The following TNFAIP8L1 variants were observed in gnomAD, a reference collection of about 807,000 sequenced individuals.
The protein encoded by TNFAIP8L1 is TNF alpha induced protein 8 like 1.
For missense variants in TNFAIP8L1, 225 were observed against 266.1 expected (o/e 0.85, Z 1.08); for synonymous variants, 127 against 125.6 (o/e 1.01, Z -0.08).
rs140614047 is a variant in TNFAIP8L1, at chr19:4,647,769, C to T, written c.-3-4098C>T. Among the ~76,000 whole-genome samples, 686 of 151,886 alleles carry T rather than the reference C, an allele frequency of 4.5e-3. 8 individuals carry two copies. Among genetic ancestry groups the T allele is most frequent in the African/African-American group, 0.016 (644 of 41,404 alleles). On this transcript the variant is annotated intron_variant, in intron 1 of 1. Coordinates refer to ENST00000327473, the MANE Select transcript of TNFAIP8L1 (RefSeq NM_152362.3). ...TCCCGAGTACCTGGGACCACAGACC[C>T]GTGCCACCATGCCTGGCTAATTAAA...
intron 1 of TNFAIP8L1, among the ~76,000 whole-genome samples, chr19:4,648,265 C>T (rs776741295): frequency 3.3e-5 from 5 of 152,298 alleles, no homozygotes; most frequent in East Asian, 1.9e-4. Context: ...ATTTGGAGGG[C>T]GATGCCCCTA....
chr19:4,649,529 C>T (rs977708469), intron 1 of TNFAIP8L1, among the ~76,000 whole-genome samples: 8 of 152,174 alleles, frequency 5.3e-5, no homozygotes, highest in Admixed American at 1.3e-4. Flanking sequence ...CTAAGACTCA[C>T]GGCCAGTTGA....
Position 4,652,105 on chromosome 19 carries a change from TG to T in TNFAIP8L1, c.239del (p.Gly80AlafsTer20). 1 of 1,594,394 alleles carries T rather than the reference TG, an allele frequency of 6.3e-7. No homozygotes were observed. Among genetic ancestry groups the T allele is most frequent in the Admixed American group, 1.8e-5 (1 of 56,796 alleles). On this transcript the variant is annotated frameshift_variant, in exon 2 of 2. Coordinates refer to ENST00000327473, the MANE Select transcript of TNFAIP8L1 (RefSeq NM_152362.3). LOFTEE classifies it low-confidence loss of function (END_TRUNC). Reference protein sequence around the residue: ...KLGLLLRGDQLGGEELALLRR... With the variant: ...KLGLLLRGDQXGGEELALLRR... ...GGACTGCTGCTGCGTGGGGACCAGC[TG>T]GGCGGTGAGGAGCTGGCGCTGCTGC...
Position 4,652,305 on chromosome 19 carries a change from G to A in TNFAIP8L1, c.436G>A (p.Val146Met), listed in dbSNP as rs745903633. 3 of 1,563,490 alleles carry A rather than the reference G, an allele frequency of 1.9e-6. No individual in the cohort carries two copies. Among genetic ancestry groups the A allele is most frequent in the Non-Finnish European group, 2.6e-6 (3 of 1,156,796 alleles). Residue 146 changes from valine (V) to methionine (M), a missense_variant, in exon 2 of 2, where the codon GTG (valine) becomes ATG (methionine). Transcript: ENST00000327473. ...TAKSHGRINH[V>M]FGHLADCDFL... Reference sequence around the variant, plus strand: ...CAAGTCCCACGGCCGCATCAACCACGTGTTCGGCCACCTAGCCGACTGCGA... The same window carrying A: ...CAAGTCCCACGGCCGCATCAACCACATGTTCGGCCACCTAGCCGACTGCGA...
At position 4,654,682 on chromosome 19, in the gene TNFAIP8L1, CAG is replaced by C. The variant is rs2088406638; in HGVS notation, c.*2255_*2256del. 2 of 152,232 alleles carry C rather than the reference CAG, an allele frequency of 1.3e-5. No individual in the cohort carries two copies. The highest frequency in any genetic ancestry group is 2.9e-5 in the Non-Finnish European group (2 of 68,060). The allele number at this position is 152,232 out of a possible 1,614,324, so 9.4% of individuals were successfully genotyped here. On this transcript the variant is annotated 3_prime_UTR_variant, in exon 2 of 2. Coordinates refer to ENST00000327473, the MANE Select transcript of TNFAIP8L1 (RefSeq NM_152362.3). ...AGCCAACCATGTTGCTTTTATAAGACAGAGCTGAGAAAGCAAAGCTTGGCTGT... is the reference window on the plus strand; with the variant it reads ...AGCCAACCATGTTGCTTTTATAAGACAGCTGAGAAAGCAAAGCTTGGCTGT...
chr19:4,650,317 G>C (rs2088350065), intron 1 of TNFAIP8L1, among the ~76,000 whole-genome samples: 1 of 151,978 alleles, frequency 6.6e-6, no homozygotes, highest in South Asian at 2.1e-4. Flanking sequence ...CAGGCTTTGG[G>C]GGGTGTATAG....
chr19:4,640,227 C>T (rs2088246966), intron 1 of TNFAIP8L1: 1 of 152,304 alleles, frequency 6.6e-6, no homozygotes, highest in Non-Finnish European at 1.5e-5. Context: ...GAACTAGGCC[C>T]ATTTCCTGGG....
At chr19:4,648,678 C>A (rs1341517935) in intron 1 of TNFAIP8L1, among the ~76,000 whole-genome samples, 4 of 152,236 alleles carry the variant, frequency 2.6e-5, no homozygotes, top group African/African-American at 9.6e-5. Flanking sequence ...GAATCAACTT[C>A]TTCAGCCTCA....
rs2088414130 is a variant in TNFAIP8L1, at chr19:4,655,374, A to G, written c.*2944A>G. The G allele has an allele frequency of 6.6e-6, 1 of 152,246 alleles. No homozygotes were observed. Among genetic ancestry groups the G allele is most frequent in the Non-Finnish European group, 1.5e-5 (1 of 68,052 alleles). 9.4% of individuals were successfully genotyped at this position (152,246 alleles called of 1,614,324 possible). On this transcript the variant is annotated 3_prime_UTR_variant, in exon 2 of 2. Coordinates refer to ENST00000327473, the MANE Select transcript of TNFAIP8L1 (RefSeq NM_152362.3). Reference sequence around the variant, plus strand: ...TAGGCCGAGAGACAGCTCTTCAAGAACGTACATGGATCCTGATTTTCTCAC... The same window carrying G: ...TAGGCCGAGAGACAGCTCTTCAAGAGCGTACATGGATCCTGATTTTCTCAC...
intron 1 of TNFAIP8L1, among the ~76,000 whole-genome samples, chr19:4,643,459 C>T (rs933756697): frequency 1.1e-4 from 16 of 152,138 alleles, no homozygotes; most frequent in Non-Finnish European, 2.2e-4. Context: ...GGCCCTCGAA[C>T]CCTTTCTCCA....
At chr19:4,651,578 G>A (rs1049157039) in intron 1 of TNFAIP8L1, among the ~76,000 whole-genome samples, 12 of 151,546 alleles carry the variant, frequency 7.9e-5, no homozygotes, top group Non-Finnish European at 1.5e-4. Flanking sequence ...CGGGGATTGC[G>A]GGCACCCATC....
chr19:4,645,393 C>T lies in TNFAIP8L1; in HGVS notation c.-4+5764C>T, dbSNP rs1009944996. On this transcript the variant is annotated intron_variant, in intron 1 of 1. Coordinates refer to ENST00000327473, the MANE Select transcript of TNFAIP8L1 (RefSeq NM_152362.3). This position sits in a 1 kb window ranked among gnomAD's most constrained non-coding sequence, Gnocchi z 4.1. ...CCAAACCCCGTCTCTACTAAAAATA[C>T]ACAAATTTGTATTTTTGTACAAATA... is the stretch of plus-strand genomic sequence containing the variant. Among the ~76,000 whole-genome samples, 2 of 151,982 alleles carry T rather than the reference C, an allele frequency of 1.3e-5. No homozygotes were observed. Among genetic ancestry groups the T allele is most frequent in the South Asian group, 2.1e-4 (1 of 4,826 alleles).
rs2088264244 is a variant in TNFAIP8L1 at position 4,641,855 on chromosome 19, A to G, written c.-4+2226A>G. 1 of 152,194 alleles carries G rather than the reference A, an allele frequency of 6.6e-6. No homozygotes were observed. Among genetic ancestry groups the G allele is most frequent in the South Asian group, 2.1e-4 (1 of 4,828 alleles). The allele number at this position is 152,194 out of a possible 1,614,324, so 9.4% of individuals were successfully genotyped here. On this transcript the variant is annotated intron_variant, in intron 1 of 1. Transcript: ENST00000327473. This position sits in a 1 kb window ranked among gnomAD's most constrained non-coding sequence, Gnocchi z 4.6. ...ATGAGGAAAGGATTGCACTAGGTTA[A>G]AGGCTGGGTTCAAATTCTGATTCTG...
At chr19:4,649,869 G>A (rs1013560527) in intron 1 of TNFAIP8L1, among the ~76,000 whole-genome samples, 1 of 152,224 alleles carries the variant, frequency 6.6e-6, no homozygotes, top group Non-Finnish European at 1.5e-5. Context: ...GAGGGCGGCC[G>A]AGGGTTTGGA....
chr19:4,652,044 A>G lies in TNFAIP8L1; in HGVS notation c.175A>G (p.Met59Val). 1 of 1,613,516 alleles carries G rather than the reference A, an allele frequency of 6.2e-7. No individual in the cohort carries two copies. The highest frequency in any genetic ancestry group is 1.1e-5 in the South Asian group (1 of 90,988). The change falls in exon 2 of 2, where the codon ATG becomes GTG. Residue 59 changes from methionine (M) to valine (V), a missense_variant. By Grantham distance (21) the Met-to-Val change is conservative. Coordinates refer to ENST00000327473, the MANE Select transcript of TNFAIP8L1 (RefSeq NM_152362.3). ...FTRSRKEAQK[M>V]LKNLVKVALK... ...GCGCAGCCGCAAGGAGGCCCAGAAG[A>G]TGCTCAAGAACCTGGTCAAGGTGGC...
chr19:4,652,476 CCTG>C lies in TNFAIP8L1; in HGVS notation c.*50_*52del. The C allele has an allele frequency of 6.9e-7, 1 of 1,455,648 alleles. No homozygotes were observed. Among genetic ancestry groups the C allele is most frequent in the Non-Finnish European group, 9.1e-7 (1 of 1,100,158 alleles). 90.2% of individuals were successfully genotyped at this position (1,455,648 alleles called of 1,614,324 possible). ...CGCCCCTCGCGCCTTTTGGGGCTCT[CCTG>C]CTGGGCGCGGGTGGGGTTTGTGGGT... On this transcript the variant is annotated 3_prime_UTR_variant, in exon 2 of 2. Transcript: ENST00000327473.
intron 1 of TNFAIP8L1, among the ~76,000 whole-genome samples, chr19:4,644,718 C>T (rs1049729170): frequency 6.7e-6 from 1 of 148,660 alleles, no homozygotes; most frequent in Non-Finnish European, 1.5e-5. Flanking sequence ...AGTCTCGTGA[C>T]GCAGCCTCCC....
In TNFAIP8L1 at chr19:4,652,341, G is replaced by A; in HGVS notation, c.472G>A (p.Ala158Thr). Reference protein sequence around the residue: ...GHLADCDFLAALYGPAEPYRS... With the variant: ...GHLADCDFLATLYGPAEPYRS... ...CCTAGCCGACTGCGACTTCCTGGCT[G>A]CGCTCTACGGCCCCGCCGAGCCCTA... Residue 158 changes from alanine (A) to threonine (T), a missense_variant, in exon 2 of 2, where the codon GCG (alanine) becomes ACG (threonine). Transcript: ENST00000327473. 6.4e-7 allele frequency: 1 copy of A among 1,552,430 alleles called. No homozygotes were observed. The highest frequency in any genetic ancestry group is 8.7e-7 in the Non-Finnish European group (1 of 1,150,724).
At position 4,641,909 on chromosome 19, in the gene TNFAIP8L1, C is replaced by T. The variant is rs1444792668; in HGVS notation, c.-4+2280C>T. On this transcript the variant is annotated intron_variant, in intron 1 of 1. Coordinates refer to ENST00000327473, the MANE Select transcript of TNFAIP8L1 (RefSeq NM_152362.3). The surrounding 1 kb of genome is among the most constrained non-coding windows in gnomAD (Gnocchi z 4.6). ...CATCACTGCTTTATAAACAGGCAAGCTCCTGACCCTCTGTGACTCAGTTTC... is the reference window on the plus strand; with the variant it reads ...CATCACTGCTTTATAAACAGGCAAGTTCCTGACCCTCTGTGACTCAGTTTC... 1 of 152,224 alleles carries T rather than the reference C, an allele frequency of 6.6e-6. No individual in the cohort carries two copies. Among genetic ancestry groups the T allele is most frequent in the Non-Finnish European group, 1.5e-5 (1 of 68,054 alleles). The allele number at this position is 152,224 out of a possible 1,614,324, so 9.4% of individuals were successfully genotyped here. A position where few individuals can be genotyped will look rare whatever the true frequency, so the allele number is the denominator to read the frequency against.
Sources: allele counts gnomAD v4.1 joint callset (sites outside exome capture counted in the v4.1 genomes callset), GRCh38; gene constraint gnomAD v4.1.1; non-coding constraint Gnocchi (gnomAD v3.1); transcripts MANE v1.5; gene names NCBI Gene and HGNC (gene_info 2026-07-23, HGNC 2026-07-21).